SMARCA2: variants seen among roughly 807,000 people sequenced by gnomAD.
SMARCA2 encodes SWI/SNF related BAF chromatin remodeling complex subunit ATPase 2.
In SMARCA2, 61 loss-of-function variants were observed where a neutral mutation model predicts 199.8. The ratio of observed to expected loss-of-function variants is 0.31; its 90% CI spans 0.25 to 0.38. The LOEUF (loss-of-function observed/expected upper bound fraction) is 0.38. SMARCA2 is among the 10% of genes least tolerant of loss of function. SMARCA2 has a pLI of 1.00. For synonymous variants in SMARCA2, 935 were observed against 732.0 expected (o/e 1.28, Z -4.48); for missense variants, 1,344 against 2,012.2 (o/e 0.67, Z 6.35).
chr9:2,163,250 C>T (rs1825774446), intron 28 of SMARCA2, among the ~76,000 whole-genome samples: 1 of 152,168 alleles, frequency 6.6e-6, no homozygotes, highest in African/African-American at 2.4e-5. Context: ...CCCACCAGGT[C>T]TCTCAGATTT....
chr9:2,092,508 G>A (rs1015547146), intron 19 of SMARCA2, among the ~76,000 whole-genome samples: 1 of 152,128 alleles, frequency 6.6e-6, no homozygotes, highest in Non-Finnish European at 1.5e-5. Flanking sequence ...ATGTAGTTTA[G>A]GTTTATTATT....
At chr9:2,070,544 C>T (rs1821045639) in intron 10 of SMARCA2, 73 bp downstream of exon 10, 6 of 1,046,542 alleles carry the variant, frequency 5.7e-6, no homozygotes, top group Middle Eastern at 4.1e-4. Context: ...CACCATTCTT[C>T]ATGCATACTA....
At position 2,047,634 on chromosome 9, in the gene SMARCA2, C is replaced by A. The variant is rs548315123; in HGVS notation, c.1046+150C>A. The A allele has an allele frequency of 1.0e-5, 10 of 995,778 alleles. No homozygotes were observed. In the East Asian group the frequency reaches 3.7e-4, roughly 37 times the overall value. The allele number at this position is 995,778 out of a possible 1,614,324, so 61.7% of individuals were successfully genotyped here. ...ACTTTCATCCACTCCTGGGGCCTTC[C>A]CGGTGCTGAGGGGAGGCACCGGGGT... On this transcript the variant is annotated intron_variant, in intron 5 of 33. Coordinates refer to ENST00000349721, the MANE Select transcript of SMARCA2 (RefSeq NM_003070.5).
At chr9:2,092,732 C>T (rs763784030) in intron 19 of SMARCA2, among the ~76,000 whole-genome samples, 2 of 152,294 alleles carry the variant, frequency 1.3e-5, no homozygotes, top group East Asian at 3.9e-4. Flanking sequence ...AGGTCAGCAC[C>T]TCAGTTTTAC....
chr9:2,161,343 C>T lies in SMARCA2; in HGVS notation c.3982-343C>T, dbSNP rs540906601. Among the ~76,000 whole-genome samples the T allele has an allele frequency of 6.6e-6, 1 of 152,172 alleles. No homozygotes were observed. The highest frequency in any genetic ancestry group is 2.4e-5 in the African/African-American group (1 of 41,526). ...CTTACAGTAATGAGAACATTAGGGT[C>T]TTGTTCTTAAACTGAGCTAAAATTT... On this transcript the variant is annotated intron_variant, in intron 27 of 33. Coordinates refer to ENST00000349721, the MANE Select transcript of SMARCA2 (RefSeq NM_003070.5). This position sits in a 1 kb window ranked among gnomAD's most constrained non-coding sequence, Gnocchi z 4.7.
At chr9:2,062,333 C>T (rs1820629949) in intron 9 of SMARCA2, among the ~76,000 whole-genome samples, 1 of 152,168 alleles carries the variant, frequency 6.6e-6, no homozygotes, top group South Asian at 2.1e-4. Context: ...TTTCCTAATT[C>T]AGCCATGTGT....
intron 1 of SMARCA2, among the ~76,000 whole-genome samples, chr9:2,018,335 G>A (rs908001229): frequency 5.9e-5 from 9 of 151,326 alleles, no homozygotes; most frequent in Non-Finnish European, 8.8e-5. Context: ...TAACTTTTGG[G>A]TGAGTTTTGC....
At chr9:2,116,081 A>G (rs1823205005) in intron 25 of SMARCA2, 32 bp downstream of exon 25, 4 of 1,493,490 alleles carry the variant, frequency 2.7e-6, no homozygotes, top group East Asian at 2.3e-5. Context: ...TTATGAAATC[A>G]AACAGTGGCC....
chr9:2,177,070 A>C (rs1251981843), intron 29 of SMARCA2, among the ~76,000 whole-genome samples: 1 of 152,224 alleles, frequency 6.6e-6, no homozygotes, highest in Admixed American at 6.5e-5. Flanking sequence ...TGACTGGCTC[A>C]GGTTTCTGCA....
intron 27 of SMARCA2, among the ~76,000 whole-genome samples, chr9:2,155,720 CTTTTTTTTTTTTTTTTTTTTTTTTTTTT>C (rs59156319): frequency 3.8e-5 from 2 of 53,152 alleles, no homozygotes; most frequent in Non-Finnish European, 7.0e-5. Flanking sequence ...AAGAGAAAAC[CTTTTTTTTTTTTTTTTTTTTTTTTTTTT>C]TTTTTTTTTT....
At chr9:2,073,425 C>G in intron 11 of SMARCA2, 83 bp downstream of exon 11, 1 of 1,564,418 alleles carries the variant, frequency 6.4e-7, no homozygotes, top group Non-Finnish European at 8.8e-7. Flanking sequence ...ACTAAAACTA[C>G]ACAGCCTTTG....
In SMARCA2 at chr9:2,175,878, G is replaced by T. The variant is rs893946521; in HGVS notation, c.4253+5406G>T. ...TCCTCTGTTTTTTTGGGTTTTTTTT[G>T]TTTGTTTGTTTGTTTTTTGAGATGA... is the stretch of plus-strand genomic sequence containing the variant. On this transcript the variant is annotated intron_variant, in intron 29 of 33. Coordinates refer to ENST00000349721, the MANE Select transcript of SMARCA2 (RefSeq NM_003070.5). Among the ~76,000 whole-genome samples the T allele has an allele frequency of 6.8e-4, 103 of 151,240 alleles. No individual in the cohort carries two copies. The Middle Eastern group carries it at 0.01, about 15-fold the overall frequency.
intron 20 of SMARCA2, 162 bp from the exon 21 acceptor site, chr9:2,097,223 G>C (rs917203544): frequency 3.6e-6 from 2 of 551,858 alleles, no homozygotes; most frequent in African/African-American, 3.8e-5. Context: ...GTCTAACTCA[G>C]GAACTGCTAT....
rs1563823288 is a variant in SMARCA2, at chr9:2,170,609, A to G, written c.4253+137A>G. On this transcript the variant is annotated intron_variant, in intron 29 of 33. Coordinates refer to ENST00000349721, the MANE Select transcript of SMARCA2 (RefSeq NM_003070.5). The surrounding 1 kb of genome is among the most constrained non-coding windows in gnomAD (Gnocchi z 4.7). ...TGATCACCCCTACTTGGAGAGCGGG[A>G]TAGAGGCACAGATACTCTTAAACAG... is the stretch of plus-strand genomic sequence containing the variant. 1 of 1,392,514 alleles carries G rather than the reference A, an allele frequency of 7.2e-7. No homozygotes were observed. The allele number at this position is 1,392,514 out of a possible 1,614,324, so 86.3% of individuals were successfully genotyped here. A position where few individuals can be genotyped will look rare whatever the true frequency, so the allele number is the denominator to read the frequency against.
rs911974653 is a variant in SMARCA2 at position 2,169,651 on chromosome 9, G to A, written c.4200-768G>A. On this transcript the variant is annotated intron_variant, in intron 28 of 33. Coordinates refer to ENST00000349721, the MANE Select transcript of SMARCA2 (RefSeq NM_003070.5). The surrounding 1 kb of genome is among the most constrained non-coding windows in gnomAD (Gnocchi z 6.5). ...CAGGCACAGGCTGTGAATCCCAAAG[G>A]GTGCTGTCTACACCTGGAGGGAGAT... 6.6e-6 allele frequency among the ~76,000 whole-genome samples: 1 copy of A among 152,030 alleles called. No individual in the cohort carries two copies. Among genetic ancestry groups the A allele is most frequent in the Admixed American group, 6.6e-5 (1 of 15,252 alleles).
At chr9:2,144,950 G>A (rs772386450) in intron 27 of SMARCA2, among the ~76,000 whole-genome samples, 1 of 152,136 alleles carries the variant, frequency 6.6e-6, no homozygotes, top group African/African-American at 2.4e-5. Context: ...TGAAAAAAAA[G>A]CCAAAAGAAA....
At chr9:2,189,079 A>G (rs576690670) in intron 32 of SMARCA2, among the ~76,000 whole-genome samples, 1 of 152,222 alleles carries the variant, frequency 6.6e-6, no homozygotes, top group East Asian at 1.9e-4. Flanking sequence ...ATAATCCACT[A>G]TAATTTCCCC....
At chr9:2,091,136 A>G (rs762536062) in intron 19 of SMARCA2, among the ~76,000 whole-genome samples, 3 of 152,172 alleles carry the variant, frequency 2.0e-5, no homozygotes, top group African/African-American at 4.8e-5. Context: ...CTTTTGGTGT[A>G]TAGTTTTATG....
chr9:2,023,482 A>G (rs906482326), intron 1 of SMARCA2, among the ~76,000 whole-genome samples: 3 of 152,198 alleles, frequency 2.0e-5, no homozygotes. Context: ...ATGCTGAAGA[A>G]ATGTTCTCAG....
Sources: gnomAD v4.1 joint callset for allele counts (sites outside exome capture counted in the v4.1 genomes callset) on GRCh38, gnomAD v4.1.1 for gene constraint, Gnocchi (gnomAD v3.1) non-coding constraint, MANE v1.5 for transcripts, NCBI Gene and HGNC (gene_info 2026-07-23, HGNC 2026-07-21) for gene names.